EYS: variants seen among roughly 807,000 people sequenced by gnomAD.
EYS encodes the protein protein eyes shut homolog.
Under a neutral mutation model 282.1 loss-of-function variants are expected in EYS, and 250 were observed. That is an observed-to-expected ratio of 0.89 (90% confidence interval 0.80 to 0.98). EYS has a LOEUF of 0.98. Ranked by LOEUF, EYS falls within the 50% of genes least tolerant of loss-of-function variation. The pLI is 0.00. For missense variants in EYS, 4,016 were observed against 3,709.0 expected (o/e 1.08, Z -2.15); for synonymous variants, 1,355 against 1,282.9 (o/e 1.06, Z -1.20).
chr6:65,579,409 T>G (rs1256430648), intron 2 of EYS, among the ~76,000 whole-genome samples: 1 of 152,154 alleles, frequency 6.6e-6, no homozygotes, highest in Non-Finnish European at 1.5e-5. Context: ...TCTGGAAATA[T>G]ATATCAGAGA....
chr6:64,429,192 A>G (rs937601014), intron 28 of EYS, among the ~76,000 whole-genome samples: 23 of 152,326 alleles, frequency 1.5e-4, no homozygotes, highest in Non-Finnish European at 2.5e-4. Context: ...ATTTTGTTAG[A>G]TTAATTTCAG....
At chr6:64,783,059 G>A (rs933373268) in intron 22 of EYS, among the ~76,000 whole-genome samples, 7 of 152,088 alleles carry the variant, frequency 4.6e-5, no homozygotes, top group Non-Finnish European at 7.4e-5. Flanking sequence ...TGTCTGGGAC[G>A]TGAATCATCC....
chr6:63,813,041 C>T (rs770991628), intron 36 of EYS, among the ~76,000 whole-genome samples: 1 of 152,110 alleles, frequency 6.6e-6, no homozygotes, highest in African/African-American at 2.4e-5. Context: ...TGCAGTGGTG[C>T]AATCTTGGCT....
chr6:64,293,692 A>G (rs559154569), intron 30 of EYS, among the ~76,000 whole-genome samples: 1 of 152,270 alleles, frequency 6.6e-6, no homozygotes, highest in African/African-American at 2.4e-5. Flanking sequence ...TTTTAAAATT[A>G]TCCATATTGA....
chr6:64,182,998 A>G (rs1045384605), intron 31 of EYS, among the ~76,000 whole-genome samples: 3 of 152,092 alleles, frequency 2.0e-5, no homozygotes, highest in Non-Finnish European at 4.4e-5. Flanking sequence ...CATAATCCCA[A>G]CATGTCACGG....
At chr6:64,686,773 A>ATATATATATATATATATATG (rs1346103100) in intron 22 of EYS, among the ~76,000 whole-genome samples, 1 of 8,932 alleles carries the variant, frequency 1.1e-4, no homozygotes, top group African/African-American at 1.6e-4. Context: ...GTGTGTATAT[A>ATATATATATATATATATATG]TATATATATA....
chr6:64,823,990 C>G (rs1362514465), intron 19 of EYS, among the ~76,000 whole-genome samples: 1 of 151,884 alleles, frequency 6.6e-6, no homozygotes, highest in East Asian at 1.9e-4. Flanking sequence ...ATGTGAGGCT[C>G]TTACTATGTG....
chr6:65,443,303 T>C (rs1325353312), intron 5 of EYS, among the ~76,000 whole-genome samples: 2 of 143,802 alleles, frequency 1.4e-5, no homozygotes, highest in African/African-American at 4.9e-5. Flanking sequence ...TGCATACATG[T>C]GTGTACACAT....
intron 28 of EYS, among the ~76,000 whole-genome samples, chr6:64,391,130 A>T (rs1463440618): frequency 1.3e-5 from 2 of 152,204 alleles, no homozygotes; most frequent in African/African-American, 4.8e-5. Flanking sequence ...CTATGTGAAA[A>T]GACCAAATCT....
chr6:64,451,412 C>T (rs1775334498), intron 26 of EYS, among the ~76,000 whole-genome samples: 1 of 152,070 alleles, frequency 6.6e-6, no homozygotes, highest in Non-Finnish European at 1.5e-5. Flanking sequence ...GGATTCACAG[C>T]CGAATTCTAC....
intron 36 of EYS, among the ~76,000 whole-genome samples, chr6:63,843,016 A>G (rs1217539439): frequency 6.6e-6 from 1 of 152,164 alleles, no homozygotes; most frequent in Non-Finnish European, 1.5e-5. Flanking sequence ...GTAGACTTGT[A>G]GTATAGTTTG....
At chr6:65,465,332 C>G (rs1195080440) in intron 5 of EYS, among the ~76,000 whole-genome samples, 1 of 151,670 alleles carries the variant, frequency 6.6e-6, no homozygotes, top group Non-Finnish European at 1.5e-5. Context: ...TTTTAATTAG[C>G]CAGGTGTGGT....
intron 1 of EYS, among the ~76,000 whole-genome samples, chr6:65,657,498 AG>A (rs1185380587): frequency 2.6e-5 from 4 of 151,862 alleles, no homozygotes; most frequent in Admixed American, 2.0e-4. Flanking sequence ...GAATGGAGGG[AG>A]TAACTGCAGA....
Position 63,721,631 on chromosome 6 carries a change from A to G in EYS, c.8400T>C (p.Asp2800=), listed in dbSNP as rs1389008125. The change falls in exon 43 of 43, where the codon GAT becomes GAC. Residue 2800 remains aspartate, a synonymous_variant. Transcript: ENST00000503581. The part of the protein sequence containing the change: ...RVGAEGYLDL[D]GINVTEKAST... Reference sequence around the variant, plus strand: ...AGGCCTTTTCTGTTACATTTATCCCATCTAGATCCAGGTAGCCTTCTGCAC... The same window carrying G: ...AGGCCTTTTCTGTTACATTTATCCCGTCTAGATCCAGGTAGCCTTCTGCAC... 3 of 1,551,218 alleles carry G rather than the reference A, an allele frequency of 1.9e-6. No individual in the cohort carries two copies. The highest frequency in any genetic ancestry group is 2.6e-6 in the Non-Finnish European group (3 of 1,146,608).
chr6:64,405,446 C>A (rs144921075), intron 28 of EYS, among the ~76,000 whole-genome samples: 282 of 152,276 alleles, frequency 1.9e-3, no homozygotes, highest in Non-Finnish European at 3.4e-3. Context: ...TCTTACCACT[C>A]CTATTCAACA....
intron 35 of EYS, among the ~76,000 whole-genome samples, chr6:63,903,136 G>A (rs1221858355): frequency 1.3e-5 from 2 of 152,170 alleles, no homozygotes; most frequent in Non-Finnish European, 2.9e-5. Context: ...AGCTTTACAG[G>A]TGTAGGTGCA....
rs529245374 is a variant in EYS, at chr6:63,772,509, T to C, written c.7898+5497A>G. The stretch of plus-strand genomic sequence containing the variant: ...TTTATATATAGTTTTAAAATAACAA[T>C]ATCAATGTTACCACTAACATCAAGA... On this transcript the variant is annotated intron_variant, in intron 40 of 42. Coordinates refer to ENST00000503581, the MANE Select transcript of EYS (RefSeq NM_001142800.2). 5.9e-5 allele frequency among the ~76,000 whole-genome samples: 9 copies of C among 152,176 alleles called. No individual in the cohort carries two copies. In the South Asian group the frequency reaches 1.7e-3, roughly 28 times the overall value.
chr6:65,316,059 G>A (rs1769287405), intron 11 of EYS, among the ~76,000 whole-genome samples: 1 of 152,166 alleles, frequency 6.6e-6, no homozygotes, highest in Non-Finnish European at 1.5e-5. Flanking sequence ...GTCCACTCAA[G>A]TATTTCCTTC....
intron 40 of EYS, among the ~76,000 whole-genome samples, chr6:63,774,680 T>TA (rs1363999008): frequency 6.6e-6 from 1 of 152,172 alleles, no homozygotes; most frequent in East Asian, 1.9e-4. Context: ...TGTATATATA[T>TA]TTTGAAACAT....
Sources: gnomAD v4.1 joint callset for allele counts (sites outside exome capture counted in the v4.1 genomes callset) on GRCh38, gnomAD v4.1.1 for gene constraint, MANE v1.5 for transcripts, NCBI Gene and HGNC (gene_info 2026-07-23, HGNC 2026-07-21) for gene names.